DYNC1H1: variants seen among roughly 807,000 people sequenced by gnomAD.
The protein encoded by DYNC1H1 is dynein cytoplasmic 1 heavy chain 1.
DYNC1H1 carries 51 observed loss-of-function variants against 527.1 expected under a neutral mutation model. The ratio of observed to expected loss-of-function variants is 0.10; its 90% CI spans 0.08 to 0.12. The LOEUF (loss-of-function observed/expected upper bound fraction) is 0.12. Ranked by LOEUF, DYNC1H1 falls within the 10% of genes least tolerant of loss-of-function variation. DYNC1H1 has a pLI of 1.00. For synonymous variants in DYNC1H1, 2,189 were observed against 2,278.8 expected, an observed-to-expected ratio of 0.96 and a Z score of 1.12; for missense variants, 2,771 against 5,971.8, an observed-to-expected ratio of 0.46 and a Z score of 17.66.
chr14:102,046,867 G>A (rs1595635167), intron 72 of DYNC1H1, among the ~76,000 whole-genome samples: 2 of 151,156 alleles, frequency 1.3e-5, no homozygotes, highest in African/African-American at 4.9e-5. Context: ...GGTGCAATCA[G>A]AGCTCACTGC....
At chr14:101,978,878 G>A (rs2047831258) in intron 2 of DYNC1H1, among the ~76,000 whole-genome samples, 2 of 152,192 alleles carry the variant, frequency 1.3e-5, no homozygotes, top group African/African-American at 2.4e-5. Context: ...TCTAAGTGGT[G>A]TCTCAGGGTG....
intron 15 of DYNC1H1, among the ~76,000 whole-genome samples, chr14:101,995,933 A>T (rs1046375817): frequency 6.7e-6 from 1 of 150,162 alleles, no homozygotes; most frequent in African/African-American, 2.4e-5. Flanking sequence ...GTGTGGTGGC[A>T]TGTGCCTGTA....
rs370950369 is a variant in DYNC1H1 at position 102,049,047 on chromosome 14, TG to T, written c.13372+384del. ...GTGGAAAAGCAGGGGCAGGCGGGCA[TG>T]GGGGGCTCATCCAAAGTTGTGGGGA... On this transcript the variant is annotated intron_variant, in intron 74 of 77. Coordinates refer to ENST00000360184, the MANE Select transcript of DYNC1H1 (RefSeq NM_001376.5). This position sits in a 1 kb window ranked among gnomAD's most constrained non-coding sequence, Gnocchi z 5.5. The T allele has an allele frequency of 4.7e-6, 2 of 423,910 alleles. No individual in the cohort carries two copies. Among genetic ancestry groups the T allele is most frequent in the East Asian group, 5.3e-5 (1 of 18,908 alleles). The allele number at this position is 423,910 out of a possible 1,614,324, so 26.3% of individuals were successfully genotyped here. A position where few individuals can be genotyped will look rare whatever the true frequency, so the allele number is the denominator to read the frequency against.
At position 102,042,854 on chromosome 14, in the gene DYNC1H1, G is replaced by A; in HGVS notation, c.12513+106G>A. ...TGGGCCCCCGGAAGTGCCGTGTGGT[G>A]AACTGCACAGCTGCTTTTGCTTTTC... On this transcript the variant is annotated intron_variant, in intron 69 of 77. Coordinates refer to ENST00000360184, the MANE Select transcript of DYNC1H1 (RefSeq NM_001376.5). This position sits in a 1 kb window ranked among gnomAD's most constrained non-coding sequence, Gnocchi z 5.7. 1 of 1,275,060 alleles carries A rather than the reference G, an allele frequency of 7.8e-7. No individual in the cohort carries two copies. Among genetic ancestry groups the A allele is most frequent in the Non-Finnish European group, 1.1e-6 (1 of 896,070 alleles). 79.0% of individuals were successfully genotyped at this position (1,275,060 alleles called of 1,614,324 possible). A position where few individuals can be genotyped will look rare whatever the true frequency, so the allele number is the denominator to read the frequency against.
chr14:102,004,437 C>G (rs561376608), intron 23 of DYNC1H1, 81 bp from the exon 24 acceptor site: 1 of 1,464,648 alleles, frequency 6.8e-7, no homozygotes, highest in Admixed American at 2.2e-5. Context: ...TCTTTCCCTT[C>G]CTGCAGTTTG....
In DYNC1H1 at chr14:102,044,753, G is replaced by A. The variant is rs573913004; in HGVS notation, c.13006+55G>A. The A allele has an allele frequency of 6.8e-5, 94 of 1,391,896 alleles. No individual in the cohort carries two copies. The Middle Eastern group carries it at 1.0e-3, about 15-fold the overall frequency. The allele number at this position is 1,391,896 out of a possible 1,614,324, so 86.2% of individuals were successfully genotyped here. On this transcript the variant is annotated intron_variant, in intron 72 of 77. Coordinates refer to ENST00000360184, the MANE Select transcript of DYNC1H1 (RefSeq NM_001376.5). This position sits in a 1 kb window ranked among gnomAD's most constrained non-coding sequence, Gnocchi z 7.1. ...GGGTGGGTGGCGAGGGTCCCCTCAC[G>A]CGGGGTGGGTGGCGAGGGTCCCCAC...
chr14:102,036,251 C>T lies in DYNC1H1; in HGVS notation c.10755-238C>T, dbSNP rs1329330325. 2.2e-5 allele frequency: 11 copies of T among 495,020 alleles called. No individual in the cohort carries two copies. The Admixed American group carries it at 2.3e-4, about 10-fold the overall frequency. 30.7% of individuals were successfully genotyped at this position (495,020 alleles called of 1,614,324 possible). ...AAGGAAAAAGATTTTTAACTATGGC[C>T]CTCTTGGTGTATGACTCAAGCTACC... On this transcript the variant is annotated intron_variant, in intron 56 of 77. Transcript: ENST00000360184. The surrounding 1 kb of genome is among the most constrained non-coding windows in gnomAD (Gnocchi z 5.6).
In DYNC1H1 at chr14:102,028,109, A is replaced by C; in HGVS notation, c.9436A>C (p.Ser3146Arg). 6.2e-7 allele frequency: 1 copy of C among 1,614,156 alleles called. No homozygotes were observed. The highest frequency in any genetic ancestry group is 8.5e-7 in the Non-Finnish European group (1 of 1,180,008). The change falls in exon 48 of 78, where the codon AGC becomes CGC. Residue 3146 changes from serine to arginine, a missense_variant. Transcript: ENST00000360184. ...ATCCCATCGGGAAGCCATTGTGAAC[A>C]GCTGTGTGTTTGTTCATCAGACTCT... Reference protein sequence around the residue: ...PPSHREAIVNSCVFVHQTLHQ... With the variant: ...PPSHREAIVNRCVFVHQTLHQ...
At chr14:102,043,588 ATTCTG>A in intron 69 of DYNC1H1, 1 of 461,866 alleles carries the variant, frequency 2.2e-6, no homozygotes, top group Non-Finnish European at 4.0e-6. Context: ...CGTTCTGTCA[ATTCTG>A]TTCTATTTTG....
In DYNC1H1 at chr14:101,985,858, G is replaced by A. The variant is rs2047930968; in HGVS notation, c.1633G>A (p.Ala545Thr). 6.2e-7 allele frequency: 1 copy of A among 1,614,192 alleles called. No individual in the cohort carries two copies. The highest frequency in any genetic ancestry group is 1.3e-5 in the African/African-American group (1 of 75,038). The change falls in exon 8 of 78, where the codon GCC becomes ACC. Residue 545 changes from alanine to threonine, a missense_variant. Transcript: ENST00000360184. This position sits in a 1 kb window ranked among gnomAD's most constrained non-coding sequence, Gnocchi z 5.9. ...GGATGTTTCCAAAGAGGGCACGGAAGCCTGGGAGGCTGCTATGAAGAGGTA... is the reference window on the plus strand; with the variant it reads ...GGATGTTTCCAAAGAGGGCACGGAAACCTGGGAGGCTGCTATGAAGAGGTA... ...GLDVSKEGTE[A>T]WEAAMKRYDE...
chr14:101,985,250 G>A lies in DYNC1H1; in HGVS notation c.1462-437G>A, dbSNP rs919037852. 1.3e-5 allele frequency among the ~76,000 whole-genome samples: 2 copies of A among 152,046 alleles called. No individual in the cohort carries two copies. The highest frequency in any genetic ancestry group is 2.9e-5 in the Non-Finnish European group (2 of 68,014). On this transcript the variant is annotated intron_variant, in intron 7 of 77. Transcript: ENST00000360184. The surrounding 1 kb of genome is among the most constrained non-coding windows in gnomAD (Gnocchi z 5.9). ...TAAAACATGGATAGTAATTACATAT[G>A]CCTGAGATTTATAAAACAATTAAAT... is the stretch of plus-strand genomic sequence containing the variant.
At chr14:101,970,746 GTGC>G (rs1444075119) in intron 1 of DYNC1H1, among the ~76,000 whole-genome samples, 59 of 152,136 alleles carry the variant, frequency 3.9e-4, no homozygotes, top group African/African-American at 1.4e-3. Context: ...GCCTCCCAAA[GTGC>G]TGGGACTGCA....
At chr14:102,048,784 C>A in intron 74 of DYNC1H1, 115 bp downstream of exon 74, 2 of 1,049,084 alleles carry the variant, frequency 1.9e-6, no homozygotes, top group Non-Finnish European at 2.6e-6. Flanking sequence ...CAGGAGCTTC[C>A]GAGAGCAGCT....
chr14:102,025,222 T>C (rs1265233775), intron 43 of DYNC1H1, among the ~76,000 whole-genome samples: 2 of 151,678 alleles, frequency 1.3e-5, no homozygotes, highest in Admixed American at 6.6e-5. Context: ...CTTACCAACA[T>C]GGTGAAAACC....
rs1002760127 is a variant in DYNC1H1 at position 101,986,072 on chromosome 14, T to C, written c.1847T>C (p.Ile616Thr). 10 of 1,614,092 alleles carry C rather than the reference T, an allele frequency of 6.2e-6. No individual in the cohort carries two copies. The highest frequency in any genetic ancestry group is 8.5e-6 in the Non-Finnish European group (10 of 1,180,034). The change falls in exon 8 of 78, where the codon ATT becomes ACT. Residue 616 changes from isoleucine to threonine, a missense_variant. Transcript: ENST00000360184. The surrounding 1 kb of genome is among the most constrained non-coding windows in gnomAD (Gnocchi z 8.7). ...CTGATCCAGCGCGTGAAAGATGACA[T>C]TGAGTCTCTTCACGACAAGTTCAAG... ...TQLIQRVKDDIESLHDKFKVQ... is the reference protein window; with the variant it reads ...TQLIQRVKDDTESLHDKFKVQ...
chr14:102,048,735 G>C (rs935015794), intron 74 of DYNC1H1, 66 bp downstream of exon 74: 1 of 1,464,310 alleles, frequency 6.8e-7, no homozygotes, highest in Non-Finnish European at 9.2e-7. Flanking sequence ...CCACAACCCA[G>C]CCCAGCCACA....
At chr14:101,966,400 C>A (rs1322462230) in intron 1 of DYNC1H1, among the ~76,000 whole-genome samples, 4 of 147,032 alleles carry the variant, frequency 2.7e-5, no homozygotes, top group African/African-American at 1.0e-4. Flanking sequence ...TAAGTGGAAG[C>A]CACAAAAGTT....
rs17512383 is a variant in DYNC1H1, at chr14:102,011,337, A to G, written c.6618+385A>G. On this transcript the variant is annotated intron_variant, in intron 32 of 77. Coordinates refer to ENST00000360184, the MANE Select transcript of DYNC1H1 (RefSeq NM_001376.5). This position sits in a 1 kb window ranked among gnomAD's most constrained non-coding sequence, Gnocchi z 5.3. ...CTTCTTTCCTTCCTCTATGTGATTC[A>G]TTTAAGAAAAAGTTTATTGTTTACA... is the stretch of plus-strand genomic sequence containing the variant. 14 of 359,066 alleles carry G rather than the reference A, an allele frequency of 3.9e-5. No homozygotes were observed. Among genetic ancestry groups the G allele is most frequent in the African/African-American group, 3.0e-4 (14 of 47,046 alleles). The allele number at this position is 359,066 out of a possible 1,614,324, so 22.2% of individuals were successfully genotyped here.
At chr14:101,971,764 A>C (rs1483521168) in intron 1 of DYNC1H1, among the ~76,000 whole-genome samples, 1 of 152,252 alleles carries the variant, frequency 6.6e-6, no homozygotes, top group African/African-American at 2.4e-5. Context: ...CCTAATTCAT[A>C]GTTTAATGAT....
Sources: allele counts gnomAD v4.1 joint callset (sites outside exome capture counted in the v4.1 genomes callset), GRCh38; gene constraint gnomAD v4.1.1; non-coding constraint Gnocchi (gnomAD v3.1); transcripts MANE v1.5; gene names NCBI Gene and HGNC (gene_info 2026-07-23, HGNC 2026-07-21).